Variants in PPP2R5D observed in about 807,000 individuals in gnomAD.
PPP2R5D encodes serine/threonine-protein phosphatase 2A 56 kDa regulatory subunit delta isoform.
In PPP2R5D, 12 loss-of-function variants were observed where a neutral mutation model predicts 79.1. The observed-to-expected ratio is 0.15, with a 90% confidence interval of 0.10 to 0.25. The LOEUF is 0.25. Among genes scored for constraint, PPP2R5D ranks in the 10% least tolerant of loss-of-function variants. The probability of loss-of-function intolerance (pLI) is 1.00; values close to 1 mark genes in which losing one functional copy is unlikely to be tolerated. For synonymous variants in PPP2R5D, 277 were observed against 286.6 expected, an observed-to-expected ratio of 0.97 and a Z score of 0.34; for missense variants, 419 against 760.2, an observed-to-expected ratio of 0.55 and a Z score of 5.28.
At chr6:42,993,297 C>CA (rs61441206) in intron 2 of PPP2R5D, among the ~76,000 whole-genome samples, 4,115 of 130,820 alleles carry the variant, frequency 0.031, 66 homozygotes, top group Non-Finnish European at 0.041. Context: ...AACTCCGTCT[C>CA]AAAAAAAAAA....
chr6:43,004,848 C>T (rs1561848179), intron 2 of PPP2R5D, among the ~76,000 whole-genome samples: 1 of 150,816 alleles, frequency 6.6e-6, no homozygotes, highest in African/African-American at 2.4e-5. Flanking sequence ...CTCCTGGGTT[C>T]AAGTGATTCT....
chr6:42,992,098 C>T lies in PPP2R5D; in HGVS notation c.105+2410C>T, dbSNP rs376105048. Among the ~76,000 whole-genome samples the T allele has an allele frequency of 5.0e-4, 76 of 151,318 alleles. 3 individuals carry two copies. The South Asian group carries it at 0.015, about 29-fold the overall frequency. On this transcript the variant is annotated intron_variant, in intron 2 of 15. Transcript: ENST00000485511. ...CTTTTGAGATGGAATCTTGCTCTGT[C>T]GCCCAGGCTGGAGTGCAGTGGCGCG...
chr6:43,012,309 A>G lies in PPP2R5D; in HGVS notation c.*1023A>G, dbSNP rs1247008415. 28 of 1,414,276 alleles carry G rather than the reference A, an allele frequency of 2.0e-5. No individual in the cohort carries two copies. Among genetic ancestry groups the G allele is most frequent in the East Asian group, 2.5e-5 (1 of 40,078 alleles). The allele number at this position is 1,414,276 out of a possible 1,614,324, so 87.6% of individuals were successfully genotyped here. ...GTTGGGCTTGGACCGATGTCCCCAT[A>G]TGTACAGAACTGAATAAAGTGGGTC... On this transcript the variant is annotated 3_prime_UTR_variant, in exon 16 of 16. Coordinates refer to ENST00000485511, the MANE Select transcript of PPP2R5D (RefSeq NM_006245.4).
At chr6:42,999,942 C>G (rs1205950793) in intron 2 of PPP2R5D, among the ~76,000 whole-genome samples, 1 of 151,012 alleles carries the variant, frequency 6.6e-6, no homozygotes, top group Non-Finnish European at 1.5e-5. Context: ...GTCCTGCCAC[C>G]TCTTTTTTTT....
intron 1 of PPP2R5D, among the ~76,000 whole-genome samples, chr6:42,987,141 G>A (rs1206352239): frequency 6.6e-6 from 1 of 152,174 alleles, no homozygotes; most frequent in African/African-American, 2.4e-5. Context: ...TGGATTTGCA[G>A]AACACTTAGT....
chr6:43,011,512 G>GC lies in PPP2R5D; in HGVS notation c.*226_*227insC. The GC allele has an allele frequency of 3.3e-6, 2 of 597,432 alleles. No individual in the cohort carries two copies. Among genetic ancestry groups the GC allele is most frequent in the Non-Finnish European group, 5.8e-6 (2 of 343,322 alleles). The allele number at this position is 597,432 out of a possible 1,614,324, so 37.0% of individuals were successfully genotyped here. ...GTGGCTAGTACAGGCTGAGCACTAA[G>GC]ATGCTTAGTGCTCAGACAACCTGGG... On this transcript the variant is annotated 3_prime_UTR_variant, in exon 16 of 16. Coordinates refer to ENST00000485511, the MANE Select transcript of PPP2R5D (RefSeq NM_006245.4).
At chr6:42,984,901 C>G (rs1486806480) in intron 1 of PPP2R5D, among the ~76,000 whole-genome samples, 197 bp downstream of exon 1, 1 of 150,834 alleles carries the variant, frequency 6.6e-6, no homozygotes, top group Non-Finnish European at 1.5e-5. Flanking sequence ...CCCCACCTTG[C>G]CCCGGAGAGA....
At chr6:42,992,255 T>A (rs915545964) in intron 2 of PPP2R5D, among the ~76,000 whole-genome samples, 55 of 152,186 alleles carry the variant, frequency 3.6e-4, no homozygotes, top group African/African-American at 1.3e-3. Flanking sequence ...GAGATGGGGT[T>A]TCACCATGTT....
Position 43,009,636 on chromosome 6 carries a change from TACCAA to T in PPP2R5D, c.1379+190_1379+194del, listed in dbSNP as rs1762252711. The stretch of plus-strand genomic sequence containing the variant: ...ATGCCTGTGTGCAAGATCTCTGTGA[TACCAA>T]ACAGCAGGGCAGCGGCCTGTTACAC... On this transcript the variant is annotated intron_variant, in intron 12 of 15. Coordinates refer to ENST00000485511, the MANE Select transcript of PPP2R5D (RefSeq NM_006245.4). This position sits in a 1 kb window ranked among gnomAD's most constrained non-coding sequence, Gnocchi z 5.6. 6.6e-6 allele frequency among the ~76,000 whole-genome samples: 1 copy of T among 152,176 alleles called. No homozygotes were observed. The highest frequency in any genetic ancestry group is 2.1e-4 in the South Asian group (1 of 4,832).
At position 43,006,773 on chromosome 6, in the gene PPP2R5D, G is replaced by C; in HGVS notation, c.322+94G>C. The C allele has an allele frequency of 1.3e-6, 2 of 1,576,314 alleles. No homozygotes were observed. Among genetic ancestry groups the C allele is most frequent in the South Asian group, 2.3e-5 (2 of 86,046 alleles). On this transcript the variant is annotated intron_variant, in intron 3 of 15. Coordinates refer to ENST00000485511, the MANE Select transcript of PPP2R5D (RefSeq NM_006245.4). This position sits in a 1 kb window ranked among gnomAD's most constrained non-coding sequence, Gnocchi z 4.7. ...AGTTTTGGGGTATTTTGCGGGGAAG[G>C]GAGTTCCAGAGAATGCGGGAAGGGG...
At chr6:42,995,179 G>A (rs1771567639) in intron 2 of PPP2R5D, among the ~76,000 whole-genome samples, 1 of 137,692 alleles carries the variant, frequency 7.3e-6, no homozygotes, top group African/African-American at 2.8e-5. Context: ...TCCCCAGGCT[G>A]GAGTACAGTG....
At position 42,989,606 on chromosome 6, in the gene PPP2R5D, T is replaced by A; in HGVS notation, c.28-5T>A. ...GCTAACTTTACTTTCATCTTTTCCT[T>A]TCAGGAGCCCCCCAAGGTTGCCAAA... On this transcript the variant is annotated splice_region_variant and splice_polypyrimidine_tract_variant and intron_variant, in intron 1 of 15. Coordinates refer to ENST00000485511, the MANE Select transcript of PPP2R5D (RefSeq NM_006245.4). 6.2e-7 allele frequency: 1 copy of A among 1,611,972 alleles called. No homozygotes were observed. Among genetic ancestry groups the A allele is most frequent in the Non-Finnish European group, 8.5e-7 (1 of 1,178,388 alleles).
At chr6:42,995,147 T>TTTTTTTTGG (rs1771564472) in intron 2 of PPP2R5D, among the ~76,000 whole-genome samples, 1 of 147,180 alleles carries the variant, frequency 6.8e-6, no homozygotes, top group African/African-American at 2.6e-5. Flanking sequence ...TTTTTTTTTT[T>TTTTTTTTGG]GGAGATAGGG....
Position 43,008,240 on chromosome 6 carries a change from G to A in PPP2R5D, c.897G>A (p.Glu299=). 6.2e-7 allele frequency: 1 copy of A among 1,614,202 alleles called. No homozygotes were observed. Among genetic ancestry groups the A allele is most frequent in the Non-Finnish European group, 8.5e-7 (1 of 1,180,042 alleles). The part of the protein sequence containing the change: ...YETEHHNGIA[E]LLEILGSIIN... The stretch of plus-strand genomic sequence containing the variant: ...CGGAGCATCACAACGGGATTGCTGA[G>A]CTCCTGGAGATCCTGGGCAGGTGAG... The change falls in exon 8 of 16, where the codon GAG becomes GAA. Residue 299 remains glutamate (E), a synonymous_variant. Transcript: ENST00000485511. This position sits in a 1 kb window ranked among gnomAD's most constrained non-coding sequence, Gnocchi z 4.2.
intron 2 of PPP2R5D, among the ~76,000 whole-genome samples, chr6:43,003,558 A>G (rs1462967579): frequency 6.6e-6 from 1 of 152,244 alleles, no homozygotes; most frequent in Non-Finnish European, 1.5e-5. Context: ...TAGAAAATTT[A>G]GAAATGCAGA....
At position 43,006,363 on chromosome 6, in the gene PPP2R5D, C is replaced by T; in HGVS notation, c.106-100C>T. The T allele has an allele frequency of 1.3e-6, 2 of 1,504,244 alleles. No homozygotes were observed. Among genetic ancestry groups the T allele is most frequent in the East Asian group, 2.4e-5 (1 of 40,818 alleles). 93.2% of individuals were successfully genotyped at this position (1,504,244 alleles called of 1,614,324 possible). A position where few individuals can be genotyped will look rare whatever the true frequency, so the allele number is the denominator to read the frequency against. On this transcript the variant is annotated intron_variant, in intron 2 of 15. Transcript: ENST00000485511. This position sits in a 1 kb window ranked among gnomAD's most constrained non-coding sequence, Gnocchi z 4.7. The stretch of plus-strand genomic sequence containing the variant: ...CGGGGCAGGAGACAGCTGCTCACTG[C>T]CCAGGCCTGTGCAGGCATAAACAGA...
chr6:42,988,313 C>T (rs1219201968), intron 1 of PPP2R5D, among the ~76,000 whole-genome samples: 1 of 152,214 alleles, frequency 6.6e-6, no homozygotes, highest in Non-Finnish European at 1.5e-5. Flanking sequence ...ATTTCTTTTG[C>T]AACATGCCTT....
At chr6:43,005,234 G>A (rs113484239) in intron 2 of PPP2R5D, among the ~76,000 whole-genome samples, 1,705 of 141,350 alleles carry the variant, frequency 0.012, 34 homozygotes, top group African/African-American at 0.042. Flanking sequence ...TAAATTTCTA[G>A]TAAAGTCCTA....
In PPP2R5D at chr6:43,008,584, T is replaced by A. The variant is rs982196545; in HGVS notation, c.1026+109T>A. On this transcript the variant is annotated intron_variant, in intron 9 of 15. Transcript: ENST00000485511. The surrounding 1 kb of genome is among the most constrained non-coding windows in gnomAD (Gnocchi z 4.2). ...AAGCATAGGGAGCAGGTGGGATAAT[T>A]CCTTCCCTCCATCTCCCCTTCCCTT... The A allele has an allele frequency of 6.8e-6, 10 of 1,472,854 alleles. No individual in the cohort carries two copies. Among genetic ancestry groups the A allele is most frequent in the Non-Finnish European group, 9.5e-6 (10 of 1,055,264 alleles). The allele number at this position is 1,472,854 out of a possible 1,614,324, so 91.2% of individuals were successfully genotyped here.
Sources: allele counts gnomAD v4.1 joint callset (sites outside exome capture counted in the v4.1 genomes callset), GRCh38; gene constraint gnomAD v4.1.1; non-coding constraint Gnocchi (gnomAD v3.1); transcripts MANE v1.5; gene names NCBI Gene and HGNC (gene_info 2026-07-23, HGNC 2026-07-21).